The following CAMSAP1 variants were observed in gnomAD, a reference collection of about 807,000 sequenced individuals.
CAMSAP1 encodes the protein calmodulin-regulated spectrin-associated protein 1.
Under a neutral mutation model 143.5 loss-of-function variants are expected in CAMSAP1, and 58 were observed. That is an observed-to-expected ratio of 0.40 (90% CI 0.33 to 0.50). The LOEUF (loss-of-function observed/expected upper bound fraction) is 0.50. Ranked by LOEUF, CAMSAP1 falls within the 20% of genes least tolerant of loss-of-function variation. The probability of loss-of-function intolerance (pLI) is 0.45; values close to 1 mark genes in which losing one functional copy is unlikely to be tolerated. For synonymous variants in CAMSAP1, 945 were observed against 859.3 expected (o/e 1.10, Z -1.74); for missense variants, 1,969 against 2,115.7 (o/e 0.93, Z 1.36).
rs1471209664 is a variant in CAMSAP1, at chr9:135,822,658, C to T, written c.2003G>A (p.Gly668Glu). 6.2e-7 allele frequency: 1 copy of T among 1,609,780 alleles called. No individual in the cohort carries two copies. Among genetic ancestry groups the T allele is most frequent in the Non-Finnish European group, 8.5e-7 (1 of 1,177,544 alleles). Residue 668 changes from glycine (G) to glutamate (E), a missense_variant, in exon 11 of 17, where the codon GGA becomes GAA. Coordinates refer to ENST00000389532, the MANE Select transcript of CAMSAP1 (RefSeq NM_015447.4). The surrounding 1 kb of genome is among the most constrained non-coding windows in gnomAD (Gnocchi z 6.1). ...TCCTGCGGTTTCCACTGACAGTGGT[C>T]CTGTCTCGGTGGGGTCGATGCCCAT... ...FPMGIDPTETGPLSVETAGEV... is the reference protein window; with the variant it reads ...FPMGIDPTETEPLSVETAGEV...
intron 4 of CAMSAP1, among the ~76,000 whole-genome samples, chr9:135,863,425 G>C (rs1837268240): frequency 6.6e-6 from 1 of 152,160 alleles, no homozygotes; most frequent in Non-Finnish European, 1.5e-5. Flanking sequence ...CCACGATACA[G>C]CTTTAAAATA....
chr9:135,843,662 G>A (rs1373904443), intron 7 of CAMSAP1, among the ~76,000 whole-genome samples: 1 of 151,960 alleles, frequency 6.6e-6, no homozygotes, highest in Non-Finnish European at 1.5e-5. Context: ...ACGAGGTCAG[G>A]AGATCGAGAC....
intron 1 of CAMSAP1, among the ~76,000 whole-genome samples, chr9:135,888,638 C>T (rs867513313): frequency 1.1e-4 from 16 of 152,344 alleles, no homozygotes; most frequent in Middle Eastern, 3.4e-3. Context: ...GCATTTGACA[C>T]TGAGAAAGTC....
rs549827697 is a variant in CAMSAP1 at position 135,866,297 on chromosome 9, G to A, written c.666+159C>T. On this transcript the variant is annotated intron_variant, in intron 4 of 16. Transcript: ENST00000389532. ...GGCTGCCGTGGTCACATCTCACTGA[G>A]GTGTGGAGAATCAGCCCACCAGGTG... 36 of 585,888 alleles carry A rather than the reference G, an allele frequency of 6.1e-5. No homozygotes were observed. The South Asian group carries it at 6.2e-4, about 10-fold the overall frequency. 36.3% of individuals were successfully genotyped at this position (585,888 alleles called of 1,614,324 possible). A position where few individuals can be genotyped will look rare whatever the true frequency, so the allele number is the denominator to read the frequency against.
At position 135,852,414 on chromosome 9, in the gene CAMSAP1, G is replaced by A. The variant is rs1031401376; in HGVS notation, c.809-1953C>T. On this transcript the variant is annotated intron_variant, in intron 5 of 16. Coordinates refer to ENST00000389532, the MANE Select transcript of CAMSAP1 (RefSeq NM_015447.4). ...TAATTTTGGCAATCCATCTCTACAC[G>A]AACATCATAAAAGTATTTGCCTTTA... 8.5e-5 allele frequency among the ~76,000 whole-genome samples: 13 copies of A among 152,098 alleles called. 1 individual carries two copies. The highest frequency in any genetic ancestry group is 2.6e-4 in the Admixed American group (4 of 15,280).
At chr9:135,892,226 G>C (rs984470713) in intron 1 of CAMSAP1, among the ~76,000 whole-genome samples, 1 of 152,196 alleles carries the variant, frequency 6.6e-6, no homozygotes, top group Admixed American at 6.5e-5. Context: ...ATAATAAACT[G>C]CTGAAGACCA....
chr9:135,861,952 G>A (rs1837210155), intron 5 of CAMSAP1, among the ~76,000 whole-genome samples: 1 of 152,178 alleles, frequency 6.6e-6, no homozygotes, highest in African/African-American at 2.4e-5. Context: ...TCCCCAACAC[G>A]AAGCGTGTGG....
chr9:135,837,442 G>A (rs1836109410), intron 7 of CAMSAP1, among the ~76,000 whole-genome samples: 1 of 144,732 alleles, frequency 6.9e-6, no homozygotes, highest in Non-Finnish European at 1.5e-5. Context: ...CCCTTCTACA[G>A]ACACACGTCA....
At chr9:135,877,189 C>A (rs1425915843) in intron 3 of CAMSAP1, among the ~76,000 whole-genome samples, 1 of 151,936 alleles carries the variant, frequency 6.6e-6, no homozygotes, top group African/African-American at 2.4e-5. Flanking sequence ...GATGCAATGC[C>A]ACAGGTCAAT....
At chr9:135,856,354 T>G (rs1240247706) in intron 5 of CAMSAP1, among the ~76,000 whole-genome samples, 2 of 152,162 alleles carry the variant, frequency 1.3e-5, no homozygotes, top group African/African-American at 4.8e-5. Context: ...ATGAGATTTA[T>G]TCACTACCAC....
rs1363124956 is a variant in CAMSAP1, at chr9:135,907,345, T to C, written c.-186A>G. On this transcript the variant is annotated 5_prime_UTR_variant, in exon 1 of 17. It removes an upstream start codon present in the reference 5' UTR. Transcript: ENST00000389532. The stretch of plus-strand genomic sequence containing the variant: ...CGTCGCCGCCCCCGCGGCTGCTGCA[T>C]GCTGCGGGCGCTGAGCCCGAGCGGA... The C allele has an allele frequency of 1.0e-5, 2 of 194,350 alleles. No individual in the cohort carries two copies. Among genetic ancestry groups the C allele is most frequent in the African/African-American group, 4.8e-5 (2 of 41,582 alleles). 12.0% of individuals were successfully genotyped at this position (194,350 alleles called of 1,614,324 possible).
At chr9:135,813,011 C>T (rs753914346) in intron 16 of CAMSAP1, among the ~76,000 whole-genome samples, 17 of 152,060 alleles carry the variant, frequency 1.1e-4, no homozygotes, top group Non-Finnish European at 1.9e-4. Flanking sequence ...CCTGTCGCCG[C>T]GTTTGTTGAT....
At chr9:135,839,159 T>C (rs981673066) in intron 7 of CAMSAP1, among the ~76,000 whole-genome samples, 2 of 152,214 alleles carry the variant, frequency 1.3e-5, no homozygotes, top group African/African-American at 2.4e-5. Flanking sequence ...CTGTCTTTCC[T>C]GAGGAAACTG....
rs557092891 is a variant in CAMSAP1, at chr9:135,876,673, T to C, written c.585+4960A>G. 2.0e-5 allele frequency among the ~76,000 whole-genome samples: 3 copies of C among 152,262 alleles called. No homozygotes were observed. In the East Asian group the frequency reaches 5.8e-4, roughly 29 times the overall value. ...ACTTGTATTAAGTTATATATACTTA[T>C]CACATGACCCAGAGATTCTACTCCT... On this transcript the variant is annotated intron_variant, in intron 3 of 16. Transcript: ENST00000389532.
chr9:135,850,741 A>G (rs984723759), intron 5 of CAMSAP1, among the ~76,000 whole-genome samples: 2 of 152,234 alleles, frequency 1.3e-5, no homozygotes, highest in Non-Finnish European at 2.9e-5. Context: ...CAAAACAAAC[A>G]GCAACAATCA....
intron 7 of CAMSAP1, among the ~76,000 whole-genome samples, chr9:135,839,565 T>C (rs764590613): frequency 1.1e-4 from 17 of 152,044 alleles, no homozygotes; most frequent in Non-Finnish European, 2.5e-4. Context: ...CCACAGAGAA[T>C]CACGCGACAT....
chr9:135,821,184 G>T lies in CAMSAP1; in HGVS notation c.3477C>A (p.Asp1159Glu), dbSNP rs1440641107. 6.2e-7 allele frequency: 1 copy of T among 1,610,276 alleles called. No homozygotes were observed. The highest frequency in any genetic ancestry group is 8.5e-7 in the Non-Finnish European group (1 of 1,179,872). Residue 1159 changes from aspartate (D) to glutamate (E), a missense_variant, in exon 11 of 17, where the codon GAC (aspartate) becomes GAA (glutamate). Coordinates refer to ENST00000389532, the MANE Select transcript of CAMSAP1 (RefSeq NM_015447.4). This position sits in a 1 kb window ranked among gnomAD's most constrained non-coding sequence, Gnocchi z 4.6. Reference protein sequence around the residue: ...GLDSALEPSGDPHGKCLFDSY... With the variant: ...GLDSALEPSGEPHGKCLFDSY... The stretch of plus-strand genomic sequence containing the variant: ...TGTCGAAGAGACACTTCCCATGTGG[G>T]TCACCACTGGGCTCCAGGGCACTGT...
chr9:135,889,669 C>T (rs1258862721), intron 1 of CAMSAP1, among the ~76,000 whole-genome samples: 2 of 152,222 alleles, frequency 1.3e-5, no homozygotes, highest in Non-Finnish European at 2.9e-5. Flanking sequence ...TGACAGAGAC[C>T]TCACTGGGCC....
At position 135,855,510 on chromosome 9, in the gene CAMSAP1, G is replaced by A. The variant is rs1033614466; in HGVS notation, c.809-5049C>T. On this transcript the variant is annotated intron_variant, in intron 5 of 16. Transcript: ENST00000389532. The stretch of plus-strand genomic sequence containing the variant: ...TCCCAGCACTTTCAGAGGCCAAGGC[G>A]GGCAGATTACCTGAGGTCAGGAGTT... Among the ~76,000 whole-genome samples, 122 of 152,090 alleles carry A rather than the reference G, an allele frequency of 8.0e-4. 1 individual carries two copies. Among genetic ancestry groups the A allele is most frequent in the Middle Eastern group, 3.4e-3 (1 of 292 alleles).
Sources: gnomAD v4.1 joint callset for allele counts (sites outside exome capture counted in the v4.1 genomes callset) on GRCh38, gnomAD v4.1.1 for gene constraint, Gnocchi (gnomAD v3.1) non-coding constraint, MANE v1.5 for transcripts, NCBI Gene and HGNC (gene_info 2026-07-23, HGNC 2026-07-21) for gene names.